The following KHDRBS2 variants were observed in gnomAD, a reference collection of about 807,000 sequenced individuals.
KHDRBS2 encodes the protein KH RNA binding domain containing, signal transduction associated 2, also known as KH domain-containing, RNA-binding, signal transduction-associated protein 2.
In KHDRBS2, 26 loss-of-function variants were observed where a neutral mutation model predicts 44.3. That is an observed-to-expected ratio of 0.59 (90% confidence interval 0.43 to 0.81). The LOEUF is 0.81. KHDRBS2 is among the 40% of genes least tolerant of loss of function. KHDRBS2 has a pLI of 0.00. For synonymous variants in KHDRBS2, 194 were observed against 151.1 expected, an observed-to-expected ratio of 1.28 and a Z score of -2.08; for missense variants, 476 against 433.1, an observed-to-expected ratio of 1.10 and a Z score of -0.88.
intron 2 of KHDRBS2, among the ~76,000 whole-genome samples, chr6:62,065,336 A>T (rs562778185): frequency 4.1e-4 from 63 of 152,148 alleles, no homozygotes; most frequent in African/African-American, 1.4e-3. Context: ...ATGCACATGT[A>T]TGTTTATTGC....
chr6:61,800,607 G>A (rs1044707097), intron 6 of KHDRBS2, among the ~76,000 whole-genome samples: 1 of 152,028 alleles, frequency 6.6e-6, no homozygotes, highest in African/African-American at 2.4e-5. Context: ...TCCTGACTCT[G>A]GACTTTTTTC....
At chr6:61,668,161 T>C in the KHDRBS2 span, among the ~76,000 whole-genome samples, 1 of 151,042 alleles carries the variant, frequency 6.6e-6, no homozygotes, top group Non-Finnish European at 1.5e-5. Context: ...TCTTAAAATG[T>C]AGGTTCAAAA....
At chr6:62,183,010 T>C (rs968687884) in intron 1 of KHDRBS2, among the ~76,000 whole-genome samples, 4 of 151,868 alleles carry the variant, frequency 2.6e-5, no homozygotes, top group African/African-American at 9.7e-5. Context: ...CTTCCTGAAC[T>C]AGCTACACTA....
chr6:61,557,773 C>A, the KHDRBS2 span, among the ~76,000 whole-genome samples: 6 of 152,082 alleles, frequency 3.9e-5, no homozygotes, highest in African/African-American at 1.4e-4. Flanking sequence ...GGGTCCTGGG[C>A]TTTCCTTTGC....
intron 4 of KHDRBS2, among the ~76,000 whole-genome samples, chr6:61,924,028 A>C (rs1808523442): frequency 6.6e-6 from 1 of 152,128 alleles, no homozygotes; most frequent in Non-Finnish European, 1.5e-5. Context: ...AGGAGTTGAA[A>C]TTACAAAATC....
At chr6:62,179,654 C>T (rs1051195826) in intron 1 of KHDRBS2, among the ~76,000 whole-genome samples, 9 of 151,730 alleles carry the variant, frequency 5.9e-5, no homozygotes, top group Non-Finnish European at 1.2e-4. Context: ...TATGGCTTCT[C>T]CCTTGTTACT....
At chr6:61,596,134 T>G in the KHDRBS2 span, among the ~76,000 whole-genome samples, 1 of 152,054 alleles carries the variant, frequency 6.6e-6, no homozygotes, top group Non-Finnish European at 1.5e-5. Flanking sequence ...GATCTGAGAA[T>G]CCAGAGGCTC....
chr6:61,811,156 G>A (rs1788055426), intron 6 of KHDRBS2, among the ~76,000 whole-genome samples: 1 of 151,824 alleles, frequency 6.6e-6, no homozygotes, highest in African/African-American at 2.4e-5. Context: ...CCATCTTTAT[G>A]CCCTTATATA....
chr6:62,192,899 G>A (rs1824907396), intron 1 of KHDRBS2, among the ~76,000 whole-genome samples: 1 of 152,070 alleles, frequency 6.6e-6, no homozygotes, highest in Non-Finnish European at 1.5e-5. Context: ...CATTACGCTT[G>A]TTGCTCATAC....
chr6:61,893,805 G>A (rs1802430615), intron 6 of KHDRBS2, among the ~76,000 whole-genome samples: 1 of 151,942 alleles, frequency 6.6e-6, no homozygotes, highest in South Asian at 2.1e-4. Context: ...TGTAAATGAT[G>A]AGTTAATGGG....
the KHDRBS2 span, among the ~76,000 whole-genome samples, chr6:61,634,710 A>T: frequency 1.6e-4 from 24 of 152,106 alleles, no homozygotes; most frequent in Admixed American, 3.3e-4. Flanking sequence ...TCTCAAGAAA[A>T]AATGGGCTCA....
chr6:62,046,005 A>C (rs1167557256), intron 3 of KHDRBS2, among the ~76,000 whole-genome samples: 1 of 151,250 alleles, frequency 6.6e-6, no homozygotes, highest in Non-Finnish European at 1.5e-5. Context: ...AATTCTAAAA[A>C]ATATTTTGCA....
At chr6:62,273,594 T>C (rs1287791671) in intron 1 of KHDRBS2, among the ~76,000 whole-genome samples, 2 of 152,152 alleles carry the variant, frequency 1.3e-5, no homozygotes, top group Non-Finnish European at 2.9e-5. Context: ...TTCCTCAGAG[T>C]TTTATCCTAA....
At chr6:61,997,049 G>T (rs568746872) in intron 3 of KHDRBS2, among the ~76,000 whole-genome samples, 6 of 152,250 alleles carry the variant, frequency 3.9e-5, no homozygotes, top group African/African-American at 1.4e-4. Context: ...CCAAAGTGCT[G>T]GGATTACAGG....
chr6:61,670,954 A>T, the KHDRBS2 span, among the ~76,000 whole-genome samples: 1 of 151,664 alleles, frequency 6.6e-6, no homozygotes, highest in Admixed American at 6.6e-5. Context: ...TCTCCCACAT[A>T]GCTGTCAATT....
intron 4 of KHDRBS2, among the ~76,000 whole-genome samples, chr6:61,964,737 T>C (rs1007712491): frequency 1.3e-5 from 2 of 152,092 alleles, no homozygotes; most frequent in Non-Finnish European, 2.9e-5. Flanking sequence ...TTCAAGTGAT[T>C]CTGACATTTG....
the KHDRBS2 span, among the ~76,000 whole-genome samples, chr6:61,579,741 T>A: frequency 6.6e-6 from 1 of 152,292 alleles, no homozygotes; most frequent in Middle Eastern, 3.4e-3. Context: ...ATTAATCCCC[T>A]AAGCATGACT....
chr6:62,111,046 T>C (rs1309358293), intron 2 of KHDRBS2, among the ~76,000 whole-genome samples: 1 of 152,086 alleles, frequency 6.6e-6, no homozygotes, highest in Non-Finnish European at 1.5e-5. Context: ...TATCTAAGGA[T>C]CTAGGGAAAC....
chr6:61,555,076 T>G, the KHDRBS2 span, among the ~76,000 whole-genome samples: 1 of 152,216 alleles, frequency 6.6e-6, no homozygotes, highest in Non-Finnish European at 1.5e-5. Context: ...GAAATTTTCA[T>G]GAATAATAAC....
Sources: allele counts gnomAD v4.1 joint callset (sites outside exome capture counted in the v4.1 genomes callset), GRCh38; gene constraint gnomAD v4.1.1; transcripts MANE v1.5; gene names NCBI Gene and HGNC (gene_info 2026-07-23, HGNC 2026-07-21).